IFI16: variants seen among roughly 807,000 people sequenced by gnomAD.
IFI16 encodes the protein gamma-interferon-inducible protein 16.
IFI16 carries 49 observed loss-of-function variants against 68.4 expected under a neutral mutation model. The observed-to-expected ratio is 0.72, with a 90% confidence interval of 0.57 to 0.91. The LOEUF (loss-of-function observed/expected upper bound fraction) is 0.91. Ranked by LOEUF, IFI16 falls within the 40% of genes least tolerant of loss-of-function variation. The pLI is 0.00. For missense variants in IFI16, 878 were observed against 942.9 expected (o/e 0.93, Z 0.90); for synonymous variants, 307 against 315.0 (o/e 0.97, Z 0.27).
intron 3 of IFI16, 77 bp from the exon 4 acceptor site, chr1:159,016,456 T>C: frequency 7.7e-7 from 1 of 1,294,232 alleles, no homozygotes. Context: ...ATAATAAAAC[T>C]ACTATCCAAT....
upstream of IFI16, among the ~76,000 whole-genome samples, chr1:159,009,459 C>T: frequency 6.6e-6 from 1 of 152,084 alleles, no homozygotes. Flanking sequence ...ATGCTCCTAC[C>T]AAGATCTCCT....
upstream of IFI16, among the ~76,000 whole-genome samples, chr1:159,001,784 T>C (rs1447372077): frequency 6.6e-6 from 1 of 152,214 alleles, no homozygotes; most frequent in Non-Finnish European, 1.5e-5. Flanking sequence ...CACATAAATA[T>C]AAAATTTACA....
At chr1:159,014,584 A>T in intron 1 of IFI16, 77 bp from the exon 2 acceptor site, 1 of 899,896 alleles carries the variant, frequency 1.1e-6, no homozygotes, top group Non-Finnish European at 1.7e-6. Context: ...CATATGGGCC[A>T]CTCACTCACA....
chr1:159,020,814 T>G (rs1164141449), intron 6 of IFI16, among the ~76,000 whole-genome samples: 2 of 151,684 alleles, frequency 1.3e-5, no homozygotes, highest in South Asian at 2.1e-4. Flanking sequence ...GATTTAAAAT[T>G]ACATGTTCTC....
At chr1:159,038,845 A>G (rs1309255442) in intron 7 of IFI16, among the ~76,000 whole-genome samples, 1 of 152,180 alleles carries the variant, frequency 6.6e-6, no homozygotes, top group Non-Finnish European at 1.5e-5. Context: ...TATCTGATGC[A>G]CACACACCAC....
upstream of IFI16, among the ~76,000 whole-genome samples, chr1:159,001,899 T>C (rs1446918400): frequency 3.9e-5 from 6 of 152,248 alleles, no homozygotes; most frequent in East Asian, 1.9e-4. Context: ...GGTGGCTTCA[T>C]GTCCCAGGGG....
intron 7 of IFI16, among the ~76,000 whole-genome samples, chr1:159,043,283 T>C (rs1359445082): frequency 6.6e-6 from 1 of 152,292 alleles, no homozygotes; most frequent in Non-Finnish European, 1.5e-5. Context: ...ACTGTCTCTC[T>C]GTTACTGCAA....
chr1:159,049,601 T>G lies in IFI16; in HGVS notation c.1665+2T>G. 5 of 1,609,700 alleles carry G rather than the reference T, an allele frequency of 3.1e-6. No individual in the cohort carries two copies. Among genetic ancestry groups the G allele is most frequent in the Non-Finnish European group, 4.2e-6 (5 of 1,178,622 alleles). On this transcript the variant is annotated splice_donor_variant, in intron 9 of 11. Coordinates refer to ENST00000295809, the MANE Select transcript of IFI16 (RefSeq NM_001376587.1). LOFTEE classifies it high-confidence loss of function. ...CCAAGCAGCAGTTTCTTAACCACGG[T>G]ACAAGTTCCCTCTTCCCAATACATT...
chr1:159,012,490 G>A lies in IFI16; in HGVS notation c.-20-2171G>A, dbSNP rs191753514. 2.5e-3 allele frequency among the ~76,000 whole-genome samples: 381 copies of A among 152,258 alleles called. 1 individual carries two copies. The highest frequency in any genetic ancestry group is 8.9e-3 in the African/African-American group (369 of 41,548). On this transcript the variant is annotated intron_variant, in intron 1 of 11. Transcript: ENST00000295809. Reference sequence around the variant, plus strand: ...AGTGTTCACATTTCAGTGAAATAAAGATTATACATAGCCTACTGTCATCCC... The same window carrying A: ...AGTGTTCACATTTCAGTGAAATAAAAATTATACATAGCCTACTGTCATCCC...
rs779781458 is a variant in IFI16, at chr1:159,053,732, C to A, written c.2277+8C>A. 5.6e-5 allele frequency: 90 copies of A among 1,604,204 alleles called. 1 individual carries two copies. In the East Asian group the frequency reaches 1.8e-3, roughly 32 times the overall value. The stretch of plus-strand genomic sequence containing the variant: ...ATTCATAGTCACATCAAGGTTGGAA[C>A]TTTATAGGAACATCATTTTTCCAAG... On this transcript the variant is annotated splice_region_variant and intron_variant, in intron 11 of 11. Transcript: ENST00000295809.
chr1:159,018,759 A>T, intron 5 of IFI16, 108 bp downstream of exon 5: 2 of 756,838 alleles, frequency 2.6e-6, no homozygotes, highest in Non-Finnish European at 4.4e-6. Context: ...AGAATCCAGG[A>T]CTCTGAAGAC....
Position 159,045,778 on chromosome 1 carries a change from A to T in IFI16, c.1497+314A>T, listed in dbSNP as rs181413746. Among the ~76,000 whole-genome samples the T allele has an allele frequency of 1.3e-3, 200 of 151,450 alleles. 3 individuals are homozygous for T. The highest frequency in any genetic ancestry group is 4.6e-3 in the African/African-American group (192 of 41,414). The stretch of plus-strand genomic sequence containing the variant: ...GGTAGAACAAGGTGGGAAAAAACAG[A>T]GCCAACCATAACACTATCACTGATT... On this transcript the variant is annotated intron_variant, in intron 8 of 11. Coordinates refer to ENST00000295809, the MANE Select transcript of IFI16 (RefSeq NM_001376587.1).
chr1:159,042,427 T>G (rs3768513), intron 7 of IFI16, among the ~76,000 whole-genome samples: 1 of 152,162 alleles, frequency 6.6e-6, no homozygotes, highest in Non-Finnish European at 1.5e-5. Flanking sequence ...TATTCCAGTT[T>G]CTTTGCGATC....
chr1:159,011,829 A>G (rs1652584547), intron 1 of IFI16, among the ~76,000 whole-genome samples: 1 of 152,192 alleles, frequency 6.6e-6, no homozygotes, highest in Non-Finnish European at 1.5e-5. Flanking sequence ...AAATTTGATG[A>G]AAGTTGTCAC....
chr1:159,041,675 T>C (rs1654652555), intron 7 of IFI16, among the ~76,000 whole-genome samples: 1 of 152,122 alleles, frequency 6.6e-6, no homozygotes, highest in Non-Finnish European at 1.5e-5. Context: ...CTAAGGCCAG[T>C]GAAAGAAACT....
chr1:159,028,523 A>C (rs867628076), intron 6 of IFI16, among the ~76,000 whole-genome samples: 1 of 152,124 alleles, frequency 6.6e-6, no homozygotes, highest in African/African-American at 2.4e-5. Context: ...AATATCTGTT[A>C]AGTCCATTTG....
At chr1:159,014,996 C>A in intron 2 of IFI16, 51 bp downstream of exon 2, 1 of 1,497,494 alleles carries the variant, frequency 6.7e-7, no homozygotes, top group Non-Finnish European at 9.0e-7. Flanking sequence ...CCAAACCCTC[C>A]CCAACATTGA....
intron 11 of IFI16, among the ~76,000 whole-genome samples, chr1:159,054,032 A>G (rs1271266797): frequency 6.6e-6 from 1 of 151,616 alleles, no homozygotes; most frequent in Non-Finnish European, 1.5e-5. Context: ...ATTTGTTTCA[A>G]CTAGCTGGTT....
upstream of IFI16, among the ~76,000 whole-genome samples, chr1:159,004,821 T>C (rs755551802): frequency 1.3e-5 from 2 of 152,230 alleles, no homozygotes; most frequent in Non-Finnish European, 2.9e-5. Context: ...AGTGAAGTCC[T>C]GAAATTAAAC....
Sources: allele counts gnomAD v4.1 joint callset (sites outside exome capture counted in the v4.1 genomes callset), GRCh38; gene constraint gnomAD v4.1.1; transcripts MANE v1.5; gene names NCBI Gene and HGNC (gene_info 2026-07-23, HGNC 2026-07-21).